The following XKR9 variants were observed in gnomAD, a reference collection of about 807,000 sequenced individuals.
The protein encoded by XKR9 is XK related 9, also known as XK-related protein 9.
XKR9 carries 32 observed loss-of-function variants against 32.0 expected under a neutral mutation model. The ratio of observed to expected loss-of-function variants is 1.00; its 90% confidence interval spans 0.76 to 1.34. XKR9 has a LOEUF of 1.34. Among genes scored for constraint, XKR9 ranks in the 40% most tolerant of loss-of-function variants. XKR9 has a pLI of 0.00. For missense variants in XKR9, 546 were observed against 429.7 expected (o/e 1.27, Z -2.39); for synonymous variants, 168 against 143.4 (o/e 1.17, Z -1.22).
chr8:70,873,980 C>G, the XKR9 span, among the ~76,000 whole-genome samples: 2 of 152,196 alleles, frequency 1.3e-5, no homozygotes, highest in Non-Finnish European at 2.9e-5. Flanking sequence ...CAGCAGCCAC[C>G]AACCCTGAGG....
At chr8:70,714,005 G>A (rs1806007650) in intron 4 of XKR9, among the ~76,000 whole-genome samples, 1 of 152,072 alleles carries the variant, frequency 6.6e-6, no homozygotes, top group South Asian at 2.1e-4. Context: ...CTCTCTTCTT[G>A]GGTTGCAGAC....
At chr8:71,007,095 G>A in the XKR9 span, among the ~76,000 whole-genome samples, 4 of 152,090 alleles carry the variant, frequency 2.6e-5, no homozygotes, top group Non-Finnish European at 5.9e-5. Flanking sequence ...CTGTTGCATA[G>A]CAATCAATTA....
At chr8:70,983,453 C>T in the XKR9 span, among the ~76,000 whole-genome samples, 1 of 152,190 alleles carries the variant, frequency 6.6e-6, no homozygotes, top group East Asian at 1.9e-4. Context: ...TTAAGCTCTC[C>T]CCAGCATCAG....
chr8:71,065,671 G>T, the XKR9 span, among the ~76,000 whole-genome samples: 1 of 152,216 alleles, frequency 6.6e-6, no homozygotes, highest in South Asian at 2.1e-4. Flanking sequence ...TGTTGGTCTA[G>T]AATGATGGTA....
the XKR9 span, among the ~76,000 whole-genome samples, chr8:71,011,410 A>T: frequency 0.43 from 65,143 of 151,914 alleles, 15,095 homozygotes; most frequent in Non-Finnish European, 0.53. Context: ...TTGGTACAAT[A>T]AAAAAAAGAC....
At chr8:71,048,703 T>A in the XKR9 span, among the ~76,000 whole-genome samples, 2 of 152,232 alleles carry the variant, frequency 1.3e-5, no homozygotes, top group African/African-American at 4.8e-5. Context: ...ACATATTCCA[T>A]ATCCACATTC....
chr8:71,038,853 G>A, the XKR9 span, among the ~76,000 whole-genome samples: 4 of 142,796 alleles, frequency 2.8e-5, no homozygotes, highest in African/African-American at 1.0e-4. Flanking sequence ...CACCCAGGCT[G>A]GAGTGCAGTG....
At chr8:71,004,311 C>T in the XKR9 span, among the ~76,000 whole-genome samples, 65 of 151,938 alleles carry the variant, frequency 4.3e-4, 1 homozygote, top group South Asian at 5.2e-3. Context: ...CACAATCTGG[C>T]CACACAGAGG....
chr8:70,975,139 T>C, the XKR9 span, among the ~76,000 whole-genome samples: 1 of 152,252 alleles, frequency 6.6e-6, no homozygotes, highest in Non-Finnish European at 1.5e-5. Flanking sequence ...TTTTGGATAT[T>C]AGCCCTCTGT....
At chr8:70,957,048 C>G in the XKR9 span, among the ~76,000 whole-genome samples, 1 of 152,228 alleles carries the variant, frequency 6.6e-6, no homozygotes, top group Non-Finnish European at 1.5e-5. Flanking sequence ...GCACCTCACC[C>G]GCTGCAGCCA....
chr8:70,802,330 G>T, the XKR9 span, among the ~76,000 whole-genome samples: 1 of 152,086 alleles, frequency 6.6e-6, no homozygotes, highest in South Asian at 2.1e-4. Context: ...TGTTTGTTTG[G>T]TAGATTTTTC....
chr8:70,753,136 C>G (rs111252493), intron 2 of XKR9, among the ~76,000 whole-genome samples: 1 of 152,036 alleles, frequency 6.6e-6, no homozygotes, highest in Non-Finnish European at 1.5e-5. Context: ...ACTACAAACA[C>G]CTCTACACAA....
At chr8:70,772,352 A>G (rs746850912) in intron 2 of XKR9, among the ~76,000 whole-genome samples, 2 of 152,170 alleles carry the variant, frequency 1.3e-5, no homozygotes, top group Non-Finnish European at 2.9e-5. Context: ...TTTTAGTGAT[A>G]TATGTTTGGG....
chr8:70,950,587 T>A, the XKR9 span, among the ~76,000 whole-genome samples: 1 of 152,104 alleles, frequency 6.6e-6, no homozygotes, highest in Non-Finnish European at 1.5e-5. Flanking sequence ...TTGAGTTTCG[T>A]CTTTGTCTTC....
the XKR9 span, among the ~76,000 whole-genome samples, chr8:70,801,938 CTT>C: frequency 1.3e-4 from 18 of 142,446 alleles, no homozygotes; most frequent in Admixed American, 2.1e-4. Context: ...CTTTTTCTTT[CTT>C]TTTTTTTTTT....
chr8:70,690,147 G>A (rs1476362332), intron 3 of XKR9, among the ~76,000 whole-genome samples: 1 of 151,974 alleles, frequency 6.6e-6, no homozygotes, highest in African/African-American at 2.4e-5. Flanking sequence ...GTGAAGGTTT[G>A]TTACATAGAT....
At chr8:70,728,003 C>A (rs935255328) in intron 4 of XKR9, among the ~76,000 whole-genome samples, 1 of 152,104 alleles carries the variant, frequency 6.6e-6, no homozygotes, top group Non-Finnish European at 1.5e-5. Context: ...AATCTCGTGG[C>A]TAATTTGTTA....
the XKR9 span, among the ~76,000 whole-genome samples, chr8:70,834,386 A>C: frequency 1.3e-5 from 2 of 152,036 alleles, no homozygotes; most frequent in Non-Finnish European, 2.9e-5. Context: ...TTTAATATAG[A>C]CCAGATTCAT....
the XKR9 span, among the ~76,000 whole-genome samples, chr8:70,926,200 G>A: frequency 6.6e-6 from 1 of 152,096 alleles, no homozygotes; most frequent in African/African-American, 2.4e-5. Flanking sequence ...TCAACCTCCT[G>A]AGTAGCTGGG....
Sources: allele counts gnomAD v4.1 joint callset (sites outside exome capture counted in the v4.1 genomes callset), GRCh38; gene constraint gnomAD v4.1.1; transcripts MANE v1.5; gene names NCBI Gene and HGNC (gene_info 2026-07-23, HGNC 2026-07-21).